The following THADA variants were observed in gnomAD, a reference collection of about 807,000 sequenced individuals.
The protein encoded by THADA is THADA armadillo repeat containing, also known as tRNA (32-2'-O)-methyltransferase regulator THADA.
In THADA, 213 loss-of-function variants were observed where a neutral mutation model predicts 219.8. The observed-to-expected ratio is 0.97, with a 90% CI of 0.87 to 1.09. The LOEUF (loss-of-function observed/expected upper bound fraction) is 1.09, where lower values mean the gene tolerates loss of function less well. Ranked by LOEUF, THADA falls within the 50% of genes least tolerant of loss-of-function variation. The probability of loss-of-function intolerance (pLI) is 0.00; values close to 1 mark genes in which losing one functional copy is unlikely to be tolerated. For synonymous variants in THADA, 1,018 were observed against 828.9 expected, an observed-to-expected ratio of 1.23 and a Z score of -3.92; for missense variants, 2,956 against 2,311.3, an observed-to-expected ratio of 1.28 and a Z score of -5.72.
chr2:43,338,036 A>T (rs1263509206), intron 30 of THADA, among the ~76,000 whole-genome samples: 1 of 152,196 alleles, frequency 6.6e-6, no homozygotes, highest in Non-Finnish European at 1.5e-5. Context: ...TTTCCATTAA[A>T]ATGTTTTAAA....
At chr2:43,473,569 T>C (rs148799321) in intron 26 of THADA, among the ~76,000 whole-genome samples, 2,306 of 152,152 alleles carry the variant, frequency 0.015, 29 homozygotes, top group South Asian at 0.053. Flanking sequence ...AGTAACATCA[T>C]CGTTTTGTGT....
intron 31 of THADA, among the ~76,000 whole-genome samples, chr2:43,310,230 C>CCA (rs1558560242): frequency 8.2e-6 from 1 of 122,592 alleles, no homozygotes; most frequent in Non-Finnish European, 1.7e-5. Flanking sequence ...TTTCCCGCCC[C>CCA]CCCCCCAAAC....
At chr2:43,499,114 T>A (rs1688619113) in intron 24 of THADA, among the ~76,000 whole-genome samples, 159 bp from the exon 25 acceptor site, 1 of 152,212 alleles carries the variant, frequency 6.6e-6, no homozygotes, top group Non-Finnish European at 1.5e-5. Context: ...ACACATCCAG[T>A]AGCTGATAAA....
At chr2:43,590,290 T>C (rs1466856617) in intron 4 of THADA, among the ~76,000 whole-genome samples, 1 of 152,160 alleles carries the variant, frequency 6.6e-6, no homozygotes, top group Non-Finnish European at 1.5e-5. Context: ...ACATAACCAA[T>C]AAATGTAAAT....
chr2:43,590,453 G>T (rs563899113), intron 4 of THADA, among the ~76,000 whole-genome samples: 1 of 151,890 alleles, frequency 6.6e-6, no homozygotes, highest in Non-Finnish European at 1.5e-5. Context: ...TGAGAAGGCG[G>T]ATCACAAGGT....
chr2:43,248,375 G>A (rs374516840), intron 36 of THADA, among the ~76,000 whole-genome samples: 8 of 151,782 alleles, frequency 5.3e-5, no homozygotes, highest in South Asian at 2.1e-4. Context: ...GATTACAGGC[G>A]TGCACCACCA....
intron 28 of THADA, among the ~76,000 whole-genome samples, chr2:43,424,771 A>G (rs1219839584): frequency 6.6e-6 from 1 of 152,120 alleles, no homozygotes; most frequent in Non-Finnish European, 1.5e-5. Flanking sequence ...CCACTTTACC[A>G]CAGAAGGTGG....
intron 31 of THADA, among the ~76,000 whole-genome samples, chr2:43,306,524 C>A (rs914141170): frequency 6.6e-6 from 1 of 152,134 alleles, no homozygotes; most frequent in Non-Finnish European, 1.5e-5. Flanking sequence ...TGTTGCCTCA[C>A]CTGTAGTAAG....
At chr2:43,531,953 A>T (rs1275934857) in intron 21 of THADA, among the ~76,000 whole-genome samples, 1 of 151,868 alleles carries the variant, frequency 6.6e-6, no homozygotes, top group Non-Finnish European at 1.5e-5. Context: ...ATAGGCAAAC[A>T]TCACAGACAA....
At chr2:43,558,782 CT>C (rs571720606) in intron 16 of THADA, among the ~76,000 whole-genome samples, 280 of 152,218 alleles carry the variant, frequency 1.8e-3, no homozygotes, top group African/African-American at 6.6e-3. Context: ...AGTTCTGTCC[CT>C]CTAGAAAACC....
chr2:43,322,261 T>G (rs1022081334), intron 30 of THADA, among the ~76,000 whole-genome samples: 1 of 151,888 alleles, frequency 6.6e-6, no homozygotes, highest in Admixed American at 6.6e-5. Context: ...CCCAGCACTT[T>G]GGGAGGCTGA....
chr2:43,591,813 A>G, intron 3 of THADA, 139 bp downstream of exon 3: 2 of 494,664 alleles, frequency 4.0e-6, no homozygotes, highest in Non-Finnish European at 6.6e-6. Flanking sequence ...TACAATAAAC[A>G]GAAAAAAAAA....
chr2:43,353,903 C>T (rs950265633), intron 29 of THADA, among the ~76,000 whole-genome samples: 6 of 151,050 alleles, frequency 4.0e-5, no homozygotes, highest in African/African-American at 2.4e-5. Context: ...CTGCAAGCTC[C>T]GCCTCCCAGG....
intron 23 of THADA, 121 bp downstream of exon 23, chr2:43,508,527 T>G: frequency 1.0e-6 from 1 of 956,734 alleles, no homozygotes; most frequent in East Asian, 2.7e-5. Context: ...AATGCTATGG[T>G]GCTGAAAAGA....
chr2:43,293,341 A>G, intron 31 of THADA, 128 bp from the exon 32 acceptor site: 1 of 1,061,060 alleles, frequency 9.4e-7, no homozygotes, highest in Non-Finnish European at 1.3e-6. Flanking sequence ...GATTTCAAAC[A>G]CTGTCATAAG....
At chr2:43,310,497 A>C (rs2104435835) in intron 31 of THADA, among the ~76,000 whole-genome samples, 1 of 152,312 alleles carries the variant, frequency 6.6e-6, no homozygotes, top group South Asian at 2.1e-4. Flanking sequence ...GGGAAAGGAT[A>C]GTCTTTTTGA....
In THADA at chr2:43,508,680, T is replaced by C; in HGVS notation, c.3475A>G (p.Arg1159Gly). 1.2e-6 allele frequency: 2 copies of C among 1,613,674 alleles called. No homozygotes were observed. Among genetic ancestry groups the C allele is most frequent in the Non-Finnish European group, 1.7e-6 (2 of 1,179,690 alleles). ...SDPSSKLCAT[R>G]RSAGIPFYIQ... Reference sequence around the variant, plus strand: ...TAGAAAGGAATTCCAGCACTGCGCCTTGTAGCACAGAGTTTAGATGAAGGA... The same window carrying C: ...TAGAAAGGAATTCCAGCACTGCGCCCTGTAGCACAGAGTTTAGATGAAGGA... Residue 1159 changes from arginine to glycine, a missense_variant, in exon 23 of 38, where the codon AGG becomes GGG. By Grantham distance (125) the Arg-to-Gly change is moderately radical. Coordinates refer to ENST00000405975, the MANE Select transcript of THADA (RefSeq NM_022065.5).
intron 36 of THADA, chr2:43,233,084 G>T: frequency 1.7e-6 from 1 of 589,104 alleles, no homozygotes; most frequent in Non-Finnish European, 3.0e-6. Context: ...TGAGTCATAG[G>T]CCTGAACCCA....
chr2:43,569,415 G>C (rs892481368), intron 14 of THADA, among the ~76,000 whole-genome samples: 7 of 152,144 alleles, frequency 4.6e-5, no homozygotes, highest in South Asian at 2.1e-4. Flanking sequence ...CTTTGAGAAA[G>C]GTTACTAATT....
Sources: gnomAD v4.1 joint callset for allele counts (sites outside exome capture counted in the v4.1 genomes callset) on GRCh38, gnomAD v4.1.1 for gene constraint, MANE v1.5 for transcripts, NCBI Gene and HGNC (gene_info 2026-07-23, HGNC 2026-07-21) for gene names.